GPR107: variants seen among roughly 807,000 people sequenced by gnomAD.
The protein encoded by GPR107 is protein GPR107.
GPR107 carries 31 observed loss-of-function variants against 75.5 expected under a neutral mutation model. That is an observed-to-expected ratio of 0.41 (90% CI 0.31 to 0.55). The LOEUF (loss-of-function observed/expected upper bound fraction) is 0.55. Among genes scored for constraint, GPR107 ranks in the 20% least tolerant of loss-of-function variants. The pLI, the probability that GPR107 is intolerant of heterozygous loss-of-function variation, is 0.26. For missense variants in GPR107, 572 were observed against 665.7 expected, an observed-to-expected ratio of 0.86 and a Z score of 1.55; for synonymous variants, 267 against 251.3, an observed-to-expected ratio of 1.06 and a Z score of -0.59.
rs892790323 is a variant in GPR107, at chr9:130,137,945, G to A, written c.*2824G>A. Reference sequence around the variant, plus strand: ...CGCAAAATATCCATGTTTCCTCTGAGAAATCTGTTGTGGACTGAAAGCGCT... The same window carrying A: ...CGCAAAATATCCATGTTTCCTCTGAAAAATCTGTTGTGGACTGAAAGCGCT... On this transcript the variant is annotated 3_prime_UTR_variant, in exon 18 of 18. Transcript: ENST00000347136. The A allele has an allele frequency of 5.9e-5, 9 of 152,250 alleles. No individual in the cohort carries two copies. The highest frequency in any genetic ancestry group is 1.3e-4 in the Non-Finnish European group (9 of 68,050). 9.4% of individuals were successfully genotyped at this position (152,250 alleles called of 1,614,324 possible).
At chr9:130,123,453 C>T (rs1217816475) in intron 14 of GPR107, among the ~76,000 whole-genome samples, 16 of 152,042 alleles carry the variant, frequency 1.1e-4, no homozygotes, top group South Asian at 4.2e-4. Context: ...CCACCCGCCT[C>T]GGCCTCCCAA....
At chr9:130,108,801 T>G (rs779371764) in intron 14 of GPR107, 3 of 455,548 alleles carry the variant, frequency 6.6e-6, no homozygotes, top group South Asian at 4.6e-5. Context: ...CTCTGGAGTG[T>G]CCTCTTGTGA....
chr9:130,117,762 T>G (rs1831461037), intron 14 of GPR107, among the ~76,000 whole-genome samples: 1 of 135,260 alleles, frequency 7.4e-6, no homozygotes, highest in South Asian at 2.3e-4. Flanking sequence ...GGATGAAGAG[T>G]AGGTGGGGGT....
At chr9:130,065,937 T>C (rs1830058499) in intron 1 of GPR107, among the ~76,000 whole-genome samples, 1 of 151,936 alleles carries the variant, frequency 6.6e-6, no homozygotes, top group East Asian at 1.9e-4. Context: ...TACATACTGC[T>C]TTGTGAATTC....
chr9:130,085,215 G>C lies in GPR107; in HGVS notation c.565-1205G>C, dbSNP rs1589499796. On this transcript the variant is annotated intron_variant, in intron 6 of 17. Transcript: ENST00000347136. ...TGTTAGAAGGACCAGGAAGGACACA[G>C]TTGTGAGAATACAGGTTTCGGGTGA... is the stretch of plus-strand genomic sequence containing the variant. Among the ~76,000 whole-genome samples the C allele has an allele frequency of 2.0e-5, 3 of 152,174 alleles. No individual in the cohort carries two copies. The East Asian group carries it at 5.8e-4, about 29-fold the overall frequency.
chr9:130,060,290 T>G (rs1325718974), intron 1 of GPR107, among the ~76,000 whole-genome samples: 1 of 152,062 alleles, frequency 6.6e-6, no homozygotes, highest in Non-Finnish European at 1.5e-5. Flanking sequence ...CTCAAACTCC[T>G]GACCTCAGAT....
rs753824904 is a variant in GPR107, at chr9:130,079,807, T to C, written c.526+38T>C. 3.5e-6 allele frequency: 5 copies of C among 1,435,954 alleles called. 1 individual carries two copies. In the South Asian group the frequency reaches 6.6e-5, roughly 19 times the overall value. The allele number at this position is 1,435,954 out of a possible 1,614,324, so 89.0% of individuals were successfully genotyped here. ...GTGGAAACTGGCTTTCAGTTTTCAC[T>C]ACCTGCTTTGTAGCTTTTTTGTTCC... On this transcript the variant is annotated intron_variant, in intron 5 of 17. Transcript: ENST00000347136.
intron 7 of GPR107, among the ~76,000 whole-genome samples, 156 bp from the exon 8 acceptor site, chr9:130,090,720 T>C (rs1830710368): frequency 1.3e-5 from 2 of 152,188 alleles, no homozygotes; most frequent in Admixed American, 1.3e-4. Flanking sequence ...TTTCCTTCAA[T>C]CCATTAATAT....
In GPR107 at chr9:130,082,296, A is replaced by G. The variant is rs565179566; in HGVS notation, c.527-1269A>G. Among the ~76,000 whole-genome samples the G allele has an allele frequency of 1.1e-3, 160 of 152,288 alleles. 1 individual carries two copies. Among genetic ancestry groups the G allele is most frequent in the African/African-American group, 3.7e-3 (153 of 41,550 alleles). ...TCCAACTTGACTGCAGTTAAAAGCC[A>G]CACAGAAAGACTGCATTTGTGCAAT... On this transcript the variant is annotated intron_variant, in intron 5 of 17. Transcript: ENST00000347136.
At chr9:130,077,663 G>A (rs1360569621) in intron 4 of GPR107, among the ~76,000 whole-genome samples, 2 of 152,196 alleles carry the variant, frequency 1.3e-5, no homozygotes, top group African/African-American at 2.4e-5. Flanking sequence ...TTTCTAGTGA[G>A]TAGCCTTTTA....
intron 15 of GPR107, among the ~76,000 whole-genome samples, chr9:130,126,874 T>G (rs1831702254): frequency 6.6e-6 from 1 of 152,156 alleles, no homozygotes; most frequent in Non-Finnish European, 1.5e-5. Context: ...TTGCATGCAG[T>G]GATAATGAGT....
intron 1 of GPR107, among the ~76,000 whole-genome samples, chr9:130,066,918 G>A (rs1376876787): frequency 6.6e-6 from 1 of 151,892 alleles, no homozygotes; most frequent in Non-Finnish European, 1.5e-5. Context: ...CCCAGGAGGC[G>A]GAGCTTGCAG....
At chr9:130,064,071 A>C (rs1046555759) in intron 1 of GPR107, among the ~76,000 whole-genome samples, 3 of 151,686 alleles carry the variant, frequency 2.0e-5, no homozygotes, top group South Asian at 2.1e-4. Flanking sequence ...CCTTGGCCTC[A>C]CAAAGTGCTG....
intron 14 of GPR107, among the ~76,000 whole-genome samples, chr9:130,118,775 G>C (rs930935065): frequency 2.0e-5 from 3 of 152,170 alleles, no homozygotes; most frequent in African/African-American, 7.2e-5. Flanking sequence ...AAGCTCTTCC[G>C]ATGATTCTGT....
chr9:130,077,126 T>G (rs1830370145), intron 3 of GPR107, among the ~76,000 whole-genome samples, 173 bp from the exon 4 acceptor site: 1 of 152,038 alleles, frequency 6.6e-6, no homozygotes, highest in Non-Finnish European at 1.5e-5. Flanking sequence ...GACCTCACGA[T>G]CCACCCACCT....
chr9:130,098,093 G>C (rs1830923158), intron 9 of GPR107, among the ~76,000 whole-genome samples: 1 of 151,984 alleles, frequency 6.6e-6, no homozygotes, highest in South Asian at 2.1e-4. Context: ...ATCTTGCCCA[G>C]GCTAATCCCA....
At position 130,069,984 on chromosome 9, in the gene GPR107, C is replaced by CTT. The variant is rs1045979986; in HGVS notation, c.142-5626_142-5625dup. On this transcript the variant is annotated intron_variant, in intron 1 of 17. Transcript: ENST00000347136. ...AGGCATAAGCCACCGTGCCTGGCCTCTTTTTTTTTTTTTTTTTTTTTTTTT... is the reference window on the plus strand; with the variant it reads ...AGGCATAAGCCACCGTGCCTGGCCTCTTTTTTTTTTTTTTTTTTTTTTTTTTT... Among the ~76,000 whole-genome samples the CTT allele has an allele frequency of 3.9e-3, 179 of 45,384 alleles. 8 individuals are homozygous for CTT. Among genetic ancestry groups the CTT allele is most frequent in the African/African-American group, 0.013 (156 of 11,592 alleles). 29.8% of individuals were successfully genotyped at this position (45,384 alleles called of 152,430 possible). A position where few individuals can be genotyped will look rare whatever the true frequency, so the allele number is the denominator to read the frequency against.
At chr9:130,113,211 G>C (rs1325752127) in intron 14 of GPR107, among the ~76,000 whole-genome samples, 1 of 150,660 alleles carries the variant, frequency 6.6e-6, no homozygotes, top group African/African-American at 2.4e-5. Context: ...ATCCCTGTCA[G>C]CCTGACAGTT....
At chr9:130,126,508 G>A (rs1301575597) in intron 15 of GPR107, among the ~76,000 whole-genome samples, 2 of 151,908 alleles carry the variant, frequency 1.3e-5, no homozygotes. Context: ...ACCATGCCAC[G>A]CCTGGCTAAT....
Sources: allele counts gnomAD v4.1 joint callset (sites outside exome capture counted in the v4.1 genomes callset), GRCh38; gene constraint gnomAD v4.1.1; transcripts MANE v1.5; gene names NCBI Gene and HGNC (gene_info 2026-07-23, HGNC 2026-07-21).